Variants in SPAG17 observed in about 807,000 individuals in gnomAD.
SPAG17 encodes sperm associated antigen 17.
A neutral mutation model predicts 273.6 loss-of-function variants in SPAG17; 169 were observed. The observed-to-expected ratio is 0.62, with a 90% CI of 0.55 to 0.70. The LOEUF (loss-of-function observed/expected upper bound fraction) is 0.70, where lower values mean the gene tolerates loss of function less well. Ranked by LOEUF, SPAG17 falls within the 30% of genes least tolerant of loss-of-function variation. SPAG17 has a pLI of 0.00. For missense variants in SPAG17, 2,557 were observed against 2,627.8 expected, an observed-to-expected ratio of 0.97 and a Z score of 0.59; for synonymous variants, 825 against 873.2, an observed-to-expected ratio of 0.94 and a Z score of 0.97.
chr1:118,141,194 A>C (rs934463990), intron 3 of SPAG17, among the ~76,000 whole-genome samples: 7 of 152,244 alleles, frequency 4.6e-5, no homozygotes, highest in Non-Finnish European at 8.8e-5. Flanking sequence ...CCAGGCAGTT[A>C]TAACTATTTT....
intron 45 of SPAG17, among the ~76,000 whole-genome samples, chr1:117,971,053 T>G (rs67878277): frequency 0.029 from 4,137 of 143,178 alleles, 91 homozygotes; most frequent in Non-Finnish European, 0.04. Flanking sequence ...GCTTCTATCG[T>G]TTTTTTTTTA....
At chr1:118,132,089 C>T (rs1658083915) in intron 3 of SPAG17, among the ~76,000 whole-genome samples, 1 of 152,180 alleles carries the variant, frequency 6.6e-6, no homozygotes, top group South Asian at 2.1e-4. Flanking sequence ...CATGCTGTGC[C>T]CAGCAGTGGA....
chr1:117,973,054 A>T (rs1467184348), intron 44 of SPAG17, among the ~76,000 whole-genome samples: 2 of 152,194 alleles, frequency 1.3e-5, no homozygotes, highest in Non-Finnish European at 2.9e-5. Flanking sequence ...TATGCTGGTA[A>T]ACTGGCTCTC....
chr1:118,166,508 A>G (rs1660178028), intron 1 of SPAG17, among the ~76,000 whole-genome samples: 1 of 152,228 alleles, frequency 6.6e-6, no homozygotes, highest in Admixed American at 6.5e-5. Flanking sequence ...GACATGAAAT[A>G]AATTATACAG....
Position 118,185,166 on chromosome 1 carries a change from CG to C in SPAG17, c.-10del. 6.2e-7 allele frequency: 1 copy of C among 1,611,634 alleles called. No homozygotes were observed. Among genetic ancestry groups the C allele is most frequent in the Non-Finnish European group, 8.5e-7 (1 of 1,177,716 alleles). The stretch of plus-strand genomic sequence containing the variant: ...TCCTTCTTGGGTGCCATGCAAAGGA[CG>C]GGAGAAGCATTGGCCTCTAAACTGG... On this transcript the variant is annotated 5_prime_UTR_variant, in exon 1 of 49. Coordinates refer to ENST00000336338, the MANE Select transcript of SPAG17 (RefSeq NM_206996.4).
intron 1 of SPAG17, among the ~76,000 whole-genome samples, chr1:118,162,532 C>CA (rs1314557862): frequency 6.6e-6 from 1 of 152,032 alleles, no homozygotes; most frequent in Non-Finnish European, 1.5e-5. Flanking sequence ...GAGAAATACA[C>CA]AAAAAAGGTG....
At chr1:118,064,666 A>G (rs1260193050) in intron 18 of SPAG17, among the ~76,000 whole-genome samples, 1 of 151,134 alleles carries the variant, frequency 6.6e-6, no homozygotes, top group Non-Finnish European at 1.5e-5. Flanking sequence ...CAGCACACCA[A>G]CATGGCACAT....
chr1:118,007,971 C>A lies in SPAG17; in HGVS notation c.4587+73G>T, dbSNP rs10923465. ...GTGTACATTGCAGGCATTTTTACTG[C>A]CCCAGAGAAGTGGGTTTTCTCAGCT... On this transcript the variant is annotated intron_variant, in intron 31 of 48. Transcript: ENST00000336338. 99,808 of 1,573,272 alleles carry A rather than the reference C, an allele frequency of 0.063. 4,932 individuals carry two copies. Among genetic ancestry groups the A allele is most frequent in the East Asian group, 0.29 (12,745 of 44,496 alleles).
chr1:118,007,244 G>A (rs1571221110), intron 31 of SPAG17, among the ~76,000 whole-genome samples: 1 of 152,164 alleles, frequency 6.6e-6, no homozygotes, highest in Non-Finnish European at 1.5e-5. Flanking sequence ...TACACTGGAT[G>A]AAGAGGTGGA....
At chr1:118,098,373 A>C in intron 6 of SPAG17, among the ~76,000 whole-genome samples, 1 of 152,196 alleles carries the variant, frequency 6.6e-6, no homozygotes, top group Non-Finnish European at 1.5e-5. Flanking sequence ...ACTGTAAAAT[A>C]ATGACAGATT....
chr1:118,081,244 C>T lies in SPAG17; in HGVS notation c.2066G>A (p.Arg689Gln), dbSNP rs148989873. The T allele has an allele frequency of 3.3e-5, 53 of 1,614,000 alleles. No homozygotes were observed. In the Middle Eastern group the frequency reaches 4.9e-4, roughly 15 times the overall value. ...SMSVQDNESN[R>Q]EPSDPSQCDA... is the part of the protein sequence containing the mutation. ...ACACTGACTAGGATCTGAAGGTTCT[C>T]GGTTGCTTTCATTATCTTGCACAGA... Residue 689 changes from arginine to glutamine, a missense_variant, in exon 15 of 49, where the codon CGA (arginine) becomes CAA (glutamine). By Grantham distance (43) the Arg-to-Gln change is conservative. Transcript: ENST00000336338.
At chr1:117,975,826 C>T (rs1015040501) in intron 43 of SPAG17, among the ~76,000 whole-genome samples, 7 of 152,274 alleles carry the variant, frequency 4.6e-5, no homozygotes, top group South Asian at 2.1e-4. Context: ...CATATCCTTG[C>T]CGTATGTGTA....
In SPAG17 at chr1:117,981,299, T is replaced by C; in HGVS notation, c.5975A>G (p.Gln1992Arg). The C allele has an allele frequency of 3.2e-6, 5 of 1,577,628 alleles. No homozygotes were observed. In the South Asian group the frequency reaches 4.8e-5, roughly 15 times the overall value. ...AGGAGATTTTGTTAAATTTTCAGTTTGGTTCTGAGCAGTGAAATCCTTCTT... is the reference window on the plus strand; with the variant it reads ...AGGAGATTTTGTTAAATTTTCAGTTCGGTTCTGAGCAGTGAAATCCTTCTT... Reference protein sequence around the residue: ...ADKKDFTAQNQTENLTKSPEE... With the variant: ...ADKKDFTAQNRTENLTKSPEE... The change falls in exon 43 of 49, where the codon CAA becomes CGA. Residue 1992 changes from glutamine to arginine, a missense_variant. Gln to Arg is a conservative substitution (Grantham distance 43). Transcript: ENST00000336338.
At chr1:118,177,437 A>G (rs978011765) in intron 1 of SPAG17, among the ~76,000 whole-genome samples, 6 of 152,152 alleles carry the variant, frequency 3.9e-5, no homozygotes, top group African/African-American at 7.2e-5. Context: ...CTCTTGACAC[A>G]TGGGGATTAT....
chr1:118,133,856 T>C (rs1382855611), intron 3 of SPAG17, among the ~76,000 whole-genome samples: 1 of 152,178 alleles, frequency 6.6e-6, no homozygotes, highest in African/African-American at 2.4e-5. Flanking sequence ...ATTTTGACAA[T>C]ACAGAGTCCC....
chr1:117,996,937 T>C (rs994300470), intron 32 of SPAG17, among the ~76,000 whole-genome samples, 194 bp from the exon 33 acceptor site: 1 of 152,090 alleles, frequency 6.6e-6, no homozygotes, highest in Non-Finnish European at 1.5e-5. Context: ...ACTCTACTTA[T>C]AAATGACACC....
chr1:118,079,121 T>C (rs1197864570), intron 15 of SPAG17, among the ~76,000 whole-genome samples: 1 of 152,110 alleles, frequency 6.6e-6, no homozygotes, highest in Non-Finnish European at 1.5e-5. Flanking sequence ...TTTTCTATTT[T>C]CTGGAATAAT....
At chr1:118,090,291 C>A (rs1655278058) in intron 10 of SPAG17, among the ~76,000 whole-genome samples, 1 of 152,098 alleles carries the variant, frequency 6.6e-6, no homozygotes, top group South Asian at 2.1e-4. Context: ...TACATCAGGT[C>A]ACACAGGAAG....
At chr1:118,040,491 TAAC>T in intron 22 of SPAG17, among the ~76,000 whole-genome samples, 1 of 152,174 alleles carries the variant, frequency 6.6e-6, no homozygotes, top group South Asian at 2.1e-4. Flanking sequence ...TTTAATATTT[TAAC>T]AACTGGAATG....
Sources: gnomAD v4.1 joint callset for allele counts (sites outside exome capture counted in the v4.1 genomes callset) on GRCh38, gnomAD v4.1.1 for gene constraint, MANE v1.5 for transcripts, NCBI Gene and HGNC (gene_info 2026-07-23, HGNC 2026-07-21) for gene names.